The following DLC1 variants were observed in gnomAD, a reference collection of about 807,000 sequenced individuals.
DLC1 encodes DLC1 Rho GTPase activating protein, also known as rho GTPase-activating protein 7.
Under a neutral mutation model 140.3 loss-of-function variants are expected in DLC1, and 54 were observed. That is an observed-to-expected ratio of 0.38 (90% CI 0.31 to 0.48). The LOEUF (loss-of-function observed/expected upper bound fraction) is 0.48. DLC1 is among the 20% of genes least tolerant of loss of function. The probability of loss-of-function intolerance (pLI) is 0.96; values close to 1 mark genes in which losing one functional copy is unlikely to be tolerated. For missense variants in DLC1, 2,536 were observed against 1,907.0 expected (o/e 1.33, Z -6.14); for synonymous variants, 986 against 728.1 (o/e 1.35, Z -5.70).
intron 5 of DLC1, among the ~76,000 whole-genome samples, chr8:13,299,699 G>T (rs941025210): frequency 2.6e-5 from 4 of 152,148 alleles, no homozygotes; most frequent in South Asian, 2.1e-4. Flanking sequence ...GGCTCCTTGC[G>T]GGAAACAAAT....
At chr8:13,536,383 C>T (rs188222986) in intron 1 of DLC1, among the ~76,000 whole-genome samples, 6 of 152,230 alleles carry the variant, frequency 3.9e-5, no homozygotes, top group Non-Finnish European at 5.9e-5. Flanking sequence ...GAGTTCAAAG[C>T]ATTGGTTTAA....
chr8:13,202,806 T>C (rs1305420176), intron 5 of DLC1, among the ~76,000 whole-genome samples: 1 of 152,122 alleles, frequency 6.6e-6, no homozygotes, highest in Admixed American at 6.6e-5. Context: ...CCTGAGTAGC[T>C]GGGACTACAG....
rs138496659 is a variant in DLC1 at position 13,294,532 on chromosome 8, G to T, written c.1348+10737C>A. Among the ~76,000 whole-genome samples the T allele has an allele frequency of 2.3e-3, 355 of 152,190 alleles. 2 individuals are homozygous for T. Among genetic ancestry groups the T allele is most frequent in the African/African-American group, 8.3e-3 (343 of 41,518 alleles). ...ACACAAATGAGTCATTGGGGGTTAG[G>T]GTAGATAATTTCTGGAAGGGAAACA... On this transcript the variant is annotated intron_variant, in intron 5 of 17. Coordinates refer to ENST00000276297, the MANE Select transcript of DLC1 (RefSeq NM_182643.3).
chr8:13,198,649 A>G (rs1002269900), intron 5 of DLC1, among the ~76,000 whole-genome samples: 9 of 152,086 alleles, frequency 5.9e-5, no homozygotes, highest in Admixed American at 5.9e-4. Context: ...TACATTTCAT[A>G]AAGTATGCTT....
chr8:13,145,538 G>C (rs1433777506), intron 5 of DLC1, among the ~76,000 whole-genome samples: 1 of 152,112 alleles, frequency 6.6e-6, no homozygotes, highest in East Asian at 1.9e-4. Context: ...GATGTACTAG[G>C]GAAACTGTTT....
intron 5 of DLC1, among the ~76,000 whole-genome samples, chr8:13,160,625 C>G (rs1329740141): frequency 6.6e-6 from 1 of 152,190 alleles, no homozygotes; most frequent in Non-Finnish European, 1.5e-5. Flanking sequence ...GGTTAAACCA[C>G]CAGAATGATT....
At chr8:13,588,472 A>G (rs1024642347) in intron 1 of DLC1, among the ~76,000 whole-genome samples, 1 of 152,124 alleles carries the variant, frequency 6.6e-6, no homozygotes, top group Non-Finnish European at 1.5e-5. Flanking sequence ...GCAGCAGAAT[A>G]TTATCATTGC....
chr8:13,143,075 G>C (rs557840514), intron 5 of DLC1, among the ~76,000 whole-genome samples: 1 of 148,700 alleles, frequency 6.7e-6, no homozygotes, highest in African/African-American at 2.5e-5. Flanking sequence ...ATTAGAGGGA[G>C]AAACTAACCA....
At chr8:13,578,979 G>A (rs958413689) in intron 1 of DLC1, among the ~76,000 whole-genome samples, 1 of 151,708 alleles carries the variant, frequency 6.6e-6, no homozygotes, top group Non-Finnish European at 1.5e-5. Context: ...TTACAGGTTG[G>A]TTCCTCTGGC....
At chr8:13,304,978 C>T in intron 5 of DLC1, 2 of 1,058,030 alleles carry the variant, frequency 1.9e-6, no homozygotes, top group South Asian at 4.1e-5. Flanking sequence ...TCCCCAGAAC[C>T]TTGATCAACA....
At chr8:13,115,962 G>A (rs1820524433) in intron 5 of DLC1, among the ~76,000 whole-genome samples, 1 of 152,124 alleles carries the variant, frequency 6.6e-6, no homozygotes, top group African/African-American at 2.4e-5. Context: ...TGAAAATAAG[G>A]CATCATGAGA....
chr8:13,205,725 A>T (rs778009683), intron 5 of DLC1, among the ~76,000 whole-genome samples: 2 of 152,212 alleles, frequency 1.3e-5, no homozygotes, highest in Non-Finnish European at 2.9e-5. Context: ...CGTGGGTTGG[A>T]CAAGCTTGAT....
intron 4 of DLC1, among the ~76,000 whole-genome samples, chr8:13,350,861 A>G (rs1209411257): frequency 2.6e-5 from 4 of 152,210 alleles, no homozygotes; most frequent in African/African-American, 7.2e-5. Context: ...GCCGCTCTTG[A>G]AAATTGTTTT....
intron 2 of DLC1, among the ~76,000 whole-genome samples, chr8:13,402,429 G>T (rs1411667845): frequency 6.6e-6 from 1 of 152,142 alleles, no homozygotes; most frequent in African/African-American, 2.4e-5. Flanking sequence ...GTTGTACAAG[G>T]TATTAGGATG....
At chr8:13,519,284 T>G (rs1397788336), upstream of DLC1, among the ~76,000 whole-genome samples, 2 of 152,040 alleles carry the variant, frequency 1.3e-5, no homozygotes, top group Non-Finnish European at 2.9e-5. Flanking sequence ...CCCGCCACCA[T>G]GCCCAGCTAT....
intron 4 of DLC1, among the ~76,000 whole-genome samples, chr8:13,375,142 C>T (rs1835914669): frequency 6.6e-6 from 1 of 151,740 alleles, no homozygotes; most frequent in East Asian, 2.0e-4. Flanking sequence ...ATTCTCCTGC[C>T]TTAGCCTCCT....
At chr8:13,300,665 T>C (rs1238689770) in intron 5 of DLC1, among the ~76,000 whole-genome samples, 1 of 152,072 alleles carries the variant, frequency 6.6e-6, no homozygotes, top group Non-Finnish European at 1.5e-5. Context: ...CACAGACATG[T>C]ATCCGGTCCA....
chr8:13,440,968 G>C (rs1022920259), intron 2 of DLC1, among the ~76,000 whole-genome samples: 17 of 152,056 alleles, frequency 1.1e-4, no homozygotes, highest in Non-Finnish European at 2.5e-4. Context: ...ATTTTCATGA[G>C]CACTGCTTTA....
At chr8:13,086,560 G>A (rs767244710) in intron 16 of DLC1, 97 bp from the exon 17 acceptor site, 15 of 1,395,430 alleles carry the variant, frequency 1.1e-5, no homozygotes, top group Non-Finnish European at 1.5e-5. Flanking sequence ...GTGGTGACGG[G>A]TCAGGCTCAG....
Sources: gnomAD v4.1 joint callset for allele counts (sites outside exome capture counted in the v4.1 genomes callset) on GRCh38, gnomAD v4.1.1 for gene constraint, MANE v1.5 for transcripts, NCBI Gene and HGNC (gene_info 2026-07-23, HGNC 2026-07-21) for gene names.